The following TRAF3IP3 variants were observed in gnomAD, a reference collection of about 807,000 sequenced individuals.
TRAF3IP3 encodes TRAF3-interacting JNK-activating modulator.
Under a neutral mutation model 86.5 loss-of-function variants are expected in TRAF3IP3, and 64 were observed. That is an observed-to-expected ratio of 0.74 (90% CI 0.60 to 0.91). TRAF3IP3 has a LOEUF of 0.91. Among genes scored for constraint, TRAF3IP3 ranks in the 40% least tolerant of loss-of-function variants. The pLI, the probability that TRAF3IP3 is intolerant of heterozygous loss-of-function variation, is 0.00. For synonymous variants in TRAF3IP3, 220 were observed against 243.9 expected, an observed-to-expected ratio of 0.90 and a Z score of 0.91; for missense variants, 579 against 642.9, an observed-to-expected ratio of 0.90 and a Z score of 1.07.
rs903524786 is a variant in TRAF3IP3 at position 209,782,287 on chromosome 1, G to A, written c.*139G>A. The stretch of plus-strand genomic sequence containing the variant: ...CTTTTTATTAATTTCTTAACCTACT[G>A]TAAATAAACTTCACCTGACCAGATT... On this transcript the variant is annotated 3_prime_UTR_variant, in exon 17 of 17. Transcript: ENST00000367025. 4 of 660,844 alleles carry A rather than the reference G, an allele frequency of 6.1e-6. No individual in the cohort carries two copies. The South Asian group carries it at 7.1e-5, about 12-fold the overall frequency. 40.9% of individuals were successfully genotyped at this position (660,844 alleles called of 1,614,324 possible).
At chr1:209,769,376 G>C (rs1019665593) in intron 8 of TRAF3IP3, among the ~76,000 whole-genome samples, 1 of 152,226 alleles carries the variant, frequency 6.6e-6, no homozygotes, top group African/African-American at 2.4e-5. Flanking sequence ...AGAAGTCTTT[G>C]TCCACGTCTT....
intron 8 of TRAF3IP3, among the ~76,000 whole-genome samples, chr1:209,770,422 T>TGTGGAGGTGTGTGTGTGCAG (rs1558018328): frequency 8.2e-6 from 1 of 121,710 alleles, no homozygotes; most frequent in African/African-American, 3.2e-5. Flanking sequence ...TGTGTGTGCA[T>TGTGGAGGTGTGTGTGTGCAG]GTGGAGGTGT....
chr1:209,760,984 A>G (rs1322178185), intron 3 of TRAF3IP3, among the ~76,000 whole-genome samples: 1 of 152,226 alleles, frequency 6.6e-6, no homozygotes, highest in Non-Finnish European at 1.5e-5. Context: ...GCTAATGCCT[A>G]TATCAGTTCA....
intron 15 of TRAF3IP3, 134 bp from the exon 16 acceptor site, chr1:209,781,210 TC>T: frequency 1.7e-6 from 1 of 576,282 alleles, no homozygotes; most frequent in African/African-American, 1.9e-5. Flanking sequence ...CAAACTCAAA[TC>T]CCTGAGAATG....
At chr1:209,760,469 A>C (rs1470839640) in intron 3 of TRAF3IP3, 85 bp downstream of exon 3, 1 of 1,197,194 alleles carries the variant, frequency 8.4e-7, no homozygotes, top group African/African-American at 1.5e-5. Context: ...GTCACTAAAA[A>C]GTGACCTAAA....
rs2077773054 is a variant in TRAF3IP3 at position 209,781,284 on chromosome 1, C to T, written c.1450-61C>T. 3.1e-5 allele frequency: 36 copies of T among 1,179,812 alleles called. No individual in the cohort carries two copies. The South Asian group carries it at 4.6e-4, about 15-fold the overall frequency. The allele number at this position is 1,179,812 out of a possible 1,614,324, so 73.1% of individuals were successfully genotyped here. ...GTGAAACTTACAAAGGGCAGTCTCC[C>T]CTGCCTGGGCTCTGTCCTAGACAGA... On this transcript the variant is annotated intron_variant, in intron 15 of 16. Coordinates refer to ENST00000367025, the MANE Select transcript of TRAF3IP3 (RefSeq NM_025228.4).
chr1:209,770,120 G>T (rs967890958), intron 8 of TRAF3IP3, among the ~76,000 whole-genome samples: 3 of 152,208 alleles, frequency 2.0e-5, no homozygotes, highest in Non-Finnish European at 4.4e-5. Context: ...TCGCCCTTGA[G>T]ATTAGCATCT....
rs770081625 is a variant in TRAF3IP3, at chr1:209,777,353, G to A, written c.1055G>A (p.Gly352Glu). The A allele has an allele frequency of 6.2e-7, 1 of 1,613,518 alleles. No individual in the cohort carries two copies. The highest frequency in any genetic ancestry group is 1.1e-5 in the South Asian group (1 of 91,030). Reference sequence around the variant, plus strand: ...ATTGGCCCTTCCTCCTCCTTACAGGGAGCAGATAGCAGGGACTTACAGATG... The same window carrying A: ...ATTGGCCCTTCCTCCTCCTTACAGGAAGCAGATAGCAGGGACTTACAGATG... ...QLHVLQSKLQGADSRDLQMNQ... is the reference protein window; with the variant it reads ...QLHVLQSKLQEADSRDLQMNQ... Residue 352 changes from glycine to glutamate, a missense_variant and splice_region_variant, in exon 12 of 17, where the codon GGA (glycine) becomes GAA (glutamate). Physicochemically the swap from Gly to Glu is moderately conservative, Grantham distance 98. Coordinates refer to ENST00000367025, the MANE Select transcript of TRAF3IP3 (RefSeq NM_025228.4).
chr1:209,777,316 A>G, intron 11 of TRAF3IP3, 36 bp from the exon 12 acceptor site: 168 of 1,465,140 alleles, frequency 1.1e-4, no homozygotes, highest in Non-Finnish European at 1.4e-4. Context: ...CCCAACACTG[A>G]CCTCCTTCTA....
At chr1:209,763,803 T>A (rs576611599) in intron 8 of TRAF3IP3, among the ~76,000 whole-genome samples, 1 of 152,190 alleles carries the variant, frequency 6.6e-6, no homozygotes. Context: ...TGGTGCTACA[T>A]ATCCAAGGAA....
chr1:209,781,850 G>C, intron 16 of TRAF3IP3: 2 of 574,132 alleles, frequency 3.5e-6, no homozygotes, highest in Non-Finnish European at 6.2e-6. Flanking sequence ...GGTCCCTGAT[G>C]GATACGGCTC....
rs745448540 is a variant in TRAF3IP3, at chr1:209,772,971, G to T, written c.726G>T (p.Leu242=). 1 of 1,613,896 alleles carries T rather than the reference G, an allele frequency of 6.2e-7. No homozygotes were observed. The highest frequency in any genetic ancestry group is 1.1e-5 in the South Asian group (1 of 91,002). Residue 242 remains leucine, a synonymous_variant, in exon 9 of 17, where the codon CTG becomes CTT. Coordinates refer to ENST00000367025, the MANE Select transcript of TRAF3IP3 (RefSeq NM_025228.4). ...AGGGACAGCTTAATGAAGACAAACT[G>T]AAGGGGAAACTGAGATCCTTAGAAA... The part of the protein sequence containing the change: ...SWKGQLNEDK[L]KGKLRSLENQ...
chr1:209,760,526 TTATAG>T (rs2077228477), intron 3 of TRAF3IP3, 142 bp downstream of exon 3: 2 of 717,882 alleles, frequency 2.8e-6, no homozygotes, highest in South Asian at 4.2e-5. Context: ...CAAGAGCTAC[TTATAG>T]TAAAGTTGCC....
intron 8 of TRAF3IP3, chr1:209,768,796 C>A (rs2077406233): frequency 1.5e-6 from 1 of 680,572 alleles, no homozygotes; most frequent in Non-Finnish European, 1.8e-6. Flanking sequence ...TACTGTAACA[C>A]TGGGCTTCAG....
chr1:209,780,734 C>A, intron 15 of TRAF3IP3, 128 bp downstream of exon 15: 1 of 868,860 alleles, frequency 1.2e-6, no homozygotes. Context: ...CATTTGCCTA[C>A]ATAAAGTGTC....
chr1:209,774,486 A>G (rs1426515425), intron 9 of TRAF3IP3, among the ~76,000 whole-genome samples: 4 of 152,234 alleles, frequency 2.6e-5, no homozygotes, highest in East Asian at 3.8e-4. Context: ...TAGTTGGTCA[A>G]TTTATCAGAA....
chr1:209,778,261 C>A, intron 13 of TRAF3IP3, 88 bp downstream of exon 13: 2 of 1,075,602 alleles, frequency 1.9e-6, no homozygotes, highest in Non-Finnish European at 2.8e-6. Flanking sequence ...GACTAAGGGC[C>A]CAGTCTTTGG....
intron 8 of TRAF3IP3, among the ~76,000 whole-genome samples, chr1:209,766,882 A>G (rs911116947): frequency 2.6e-4 from 39 of 152,174 alleles, no homozygotes; most frequent in African/African-American, 8.9e-4. Context: ...AAAATAAAGG[A>G]AAGAAACCAT....
At position 209,762,771 on chromosome 1, in the gene TRAF3IP3, C is replaced by T. The variant is rs756717726; in HGVS notation, c.494-42C>T. 8.8e-6 allele frequency: 12 copies of T among 1,364,386 alleles called. No individual in the cohort carries two copies. The East Asian group carries it at 3.0e-4, about 34-fold the overall frequency. 84.5% of individuals were successfully genotyped at this position (1,364,386 alleles called of 1,614,324 possible). On this transcript the variant is annotated intron_variant, in intron 4 of 16. Coordinates refer to ENST00000367025, the MANE Select transcript of TRAF3IP3 (RefSeq NM_025228.4). ...CTGTCCCTCCCCACTTCCCTCACTT[C>T]CTCCCTGTAAGTTCTAAATCAACTT...
Sources: gnomAD v4.1 joint callset for allele counts (sites outside exome capture counted in the v4.1 genomes callset) on GRCh38, gnomAD v4.1.1 for gene constraint, MANE v1.5 for transcripts, NCBI Gene and HGNC (gene_info 2026-07-23, HGNC 2026-07-21) for gene names.